The following MCCC1 variants were observed in gnomAD, a reference collection of about 807,000 sequenced individuals.
The protein encoded by MCCC1 is methylcrotonoyl-CoA carboxylase subunit alpha, mitochondrial.
A neutral mutation model predicts 83.8 loss-of-function variants in MCCC1; 64 were observed. The observed-to-expected ratio is 0.76, with a 90% CI of 0.62 to 0.94. MCCC1 has a LOEUF of 0.94. Among genes scored for constraint, MCCC1 ranks in the 40% least tolerant of loss-of-function variants. The pLI is 0.00. For missense variants in MCCC1, 807 were observed against 904.7 expected, an observed-to-expected ratio of 0.89 and a Z score of 1.39; for synonymous variants, 322 against 315.4, an observed-to-expected ratio of 1.02 and a Z score of -0.22.
intron 9 of MCCC1, among the ~76,000 whole-genome samples, chr3:183,047,298 T>C (rs1048068627): frequency 1.3e-5 from 2 of 152,120 alleles, no homozygotes; most frequent in Middle Eastern, 3.4e-3. Flanking sequence ...CTGGTGAAGT[T>C]CACACACCAG....
intron 14 of MCCC1, among the ~76,000 whole-genome samples, chr3:183,027,934 A>T (rs1003565174): frequency 1.3e-5 from 2 of 152,210 alleles, no homozygotes; most frequent in African/African-American, 4.8e-5. Flanking sequence ...TCTAGCTAAG[A>T]TAATTGATAA....
intron 8 of MCCC1, among the ~76,000 whole-genome samples, chr3:183,053,404 CT>C (rs1715142419): frequency 6.6e-6 from 1 of 152,110 alleles, no homozygotes. Flanking sequence ...GGGAGGATCA[CT>C]TGAGCCCAAG....
intron 15 of MCCC1, among the ~76,000 whole-genome samples, chr3:183,023,823 A>C (rs1306618581): frequency 6.6e-6 from 1 of 152,098 alleles, no homozygotes; most frequent in Non-Finnish European, 1.5e-5. Flanking sequence ...CCATTTAAGC[A>C]TTCCATTTTG....
rs1177891822 is a variant in MCCC1, at chr3:183,086,752, G to A, written c.310C>T (p.Gln104Ter). Residue 104 changes from glutamine (Q) to a stop codon, truncating the protein, a stop_gained, in exon 4 of 19, where the codon CAG (glutamine) becomes TAG (stop). Transcript: ENST00000265594. LOFTEE classifies it high-confidence loss of function. ...EAYSIGPAPS[Q>*]QSYLSMEKII... The stretch of plus-strand genomic sequence containing the variant: ...TTCTCCATAGATAGGTAGCTCTGCT[G>A]GGAGGGAGCGGGGCCGATGGAATAT... 1.9e-6 allele frequency: 3 copies of A among 1,614,156 alleles called. No homozygotes were observed. Among genetic ancestry groups the A allele is most frequent in the Non-Finnish European group, 2.5e-6 (3 of 1,180,022 alleles).
intron 14 of MCCC1, 72 bp downstream of exon 14, chr3:183,033,919 G>A: frequency 8.3e-7 from 1 of 1,204,570 alleles, no homozygotes; most frequent in Non-Finnish European, 1.2e-6. Context: ...GGCCAGGCTG[G>A]AATCCTCTTT....
At chr3:183,063,274 G>A (rs887113693) in intron 7 of MCCC1, among the ~76,000 whole-genome samples, 2 of 152,166 alleles carry the variant, frequency 1.3e-5, no homozygotes, top group Non-Finnish European at 2.9e-5. Context: ...GAGCCACTGC[G>A]CCTGGCCCTA....
chr3:183,106,551 T>G (rs1719410375), intron 1 of MCCC1, among the ~76,000 whole-genome samples: 1 of 150,966 alleles, frequency 6.6e-6, no homozygotes. Flanking sequence ...CAGGCTGGAG[T>G]GCAGGGGTGC....
At chr3:183,087,944 G>T (rs1215617817) in intron 3 of MCCC1, among the ~76,000 whole-genome samples, 1 of 151,674 alleles carries the variant, frequency 6.6e-6, no homozygotes, top group African/African-American at 2.4e-5. Context: ...CTGAGAACAG[G>T]AATGGAGCTG....
At chr3:183,098,430 A>C (rs1232161510) in intron 1 of MCCC1, 2 of 152,356 alleles carry the variant, frequency 1.3e-5, no homozygotes, top group East Asian at 3.8e-4. Context: ...TCACAACCCA[A>C]GGTACTCGTA....
chr3:183,041,524 A>G, intron 11 of MCCC1, 43 bp downstream of exon 11: 1 of 1,608,656 alleles, frequency 6.2e-7, no homozygotes, highest in Non-Finnish European at 8.5e-7. Context: ...TAATGTACTA[A>G]AAACTTAAAA....
chr3:183,020,666 G>C (rs982152059), intron 16 of MCCC1, among the ~76,000 whole-genome samples: 8 of 151,834 alleles, frequency 5.3e-5, no homozygotes, highest in African/African-American at 1.9e-4. Flanking sequence ...TTAATACCAG[G>C]GTTCTAATCT....
At chr3:183,038,883 C>T (rs920230722) in intron 12 of MCCC1, 143 bp downstream of exon 12, 1 of 760,932 alleles carries the variant, frequency 1.3e-6, no homozygotes. Context: ...ACGCAAAATT[C>T]TCCCATGTGA....
chr3:183,103,495 C>T (rs1261798085), upstream of MCCC1, among the ~76,000 whole-genome samples: 2 of 151,984 alleles, frequency 1.3e-5, no homozygotes, highest in Admixed American at 6.6e-5. Flanking sequence ...ACGGAGTATC[C>T]ACACAAAGGT....
At chr3:183,051,767 G>C (rs1234096800) in intron 9 of MCCC1, among the ~76,000 whole-genome samples, 1 of 135,340 alleles carries the variant, frequency 7.4e-6, no homozygotes. Flanking sequence ...GTGTTGGGGG[G>C]TATCCGAGTG....
At chr3:183,023,035 G>A (rs1315997698) in intron 15 of MCCC1, among the ~76,000 whole-genome samples, 4 of 152,100 alleles carry the variant, frequency 2.6e-5, no homozygotes, top group African/African-American at 9.7e-5. Context: ...TTATCAACAC[G>A]TAGGCCCAAT....
intron 17 of MCCC1, chr3:183,017,656 C>T (rs1014096404): frequency 8.5e-6 from 3 of 354,442 alleles, no homozygotes; most frequent in South Asian, 8.4e-5. Context: ...CCCAAATGCA[C>T]TGGTCAAATC....
chr3:183,054,096 G>A (rs149360547), intron 8 of MCCC1, among the ~76,000 whole-genome samples: 18 of 150,948 alleles, frequency 1.2e-4, no homozygotes, highest in Non-Finnish European at 2.5e-4. Context: ...TGGCCAGGCT[G>A]GTCTCGAAGT....
chr3:183,034,368 G>A lies in MCCC1; in HGVS notation c.1595-291C>T, dbSNP rs537952629. On this transcript the variant is annotated intron_variant, in intron 13 of 18. Transcript: ENST00000265594. ...CTGGAGGCTGAGGCAGGAGAATGGC[G>A]TGAATCCGGGAGGTGGAGCTTGCAG... 8.0e-5 allele frequency among the ~76,000 whole-genome samples: 12 copies of A among 149,926 alleles called. No individual in the cohort carries two copies. In the South Asian group the frequency reaches 2.1e-3, roughly 27 times the overall value.
intron 16 of MCCC1, among the ~76,000 whole-genome samples, chr3:183,022,171 G>GA (rs1712209766): frequency 1.3e-5 from 2 of 152,174 alleles, no homozygotes; most frequent in Non-Finnish European, 2.9e-5. Flanking sequence ...ATTTGTTTCA[G>GA]AATTCAGGAA....
Sources: allele counts gnomAD v4.1 joint callset (sites outside exome capture counted in the v4.1 genomes callset), GRCh38; gene constraint gnomAD v4.1.1; transcripts MANE v1.5; gene names NCBI Gene and HGNC (gene_info 2026-07-23, HGNC 2026-07-21).